THBS4: variants seen among roughly 807,000 people sequenced by gnomAD.
The protein encoded by THBS4 is thrombospondin 4, also known as thrombospondin-4.
A neutral mutation model predicts 115.7 loss-of-function variants in THBS4; 90 were observed. The ratio of observed to expected loss-of-function variants is 0.78; its 90% CI spans 0.66 to 0.93. THBS4 has a LOEUF of 0.93. THBS4 is among the 40% of genes least tolerant of loss of function. The pLI is 0.00. For missense variants in THBS4, 1,087 were observed against 1,232.7 expected (o/e 0.88, Z 1.77); for synonymous variants, 460 against 479.3 (o/e 0.96, Z 0.53).
intron 9 of THBS4, chr5:80,067,208 T>C (rs1833861020): frequency 6.6e-6 from 1 of 152,082 alleles, no homozygotes; most frequent in African/African-American, 2.4e-5. Context: ...TGTCAGTTGA[T>C]GGATGTGTTA....
intron 2 of THBS4, chr5:80,019,906 C>T (rs1296699083): frequency 6.4e-6 from 1 of 157,386 alleles, no homozygotes; most frequent in Non-Finnish European, 1.4e-5. Context: ...ATAGGAATTC[C>T]CAAAGTATGG....
chr5:79,993,142 G>A (rs573100247), intron 1 of THBS4, among the ~76,000 whole-genome samples: 90 of 152,304 alleles, frequency 5.9e-4, no homozygotes, highest in Non-Finnish European at 1.1e-3. Flanking sequence ...CCGTACTGCT[G>A]CTACTACATA....
chr5:80,082,077 G>T (rs2913544), intron 20 of THBS4: 131,991 of 242,482 alleles, frequency 0.54, 37,027 homozygotes, highest in African/African-American at 0.68. Flanking sequence ...ACTCAAGATA[G>T]CAGGTTTGGT....
At position 80,070,360 on chromosome 5, in the gene THBS4, G is replaced by A. The variant is rs1330682273; in HGVS notation, c.1402G>A (p.Asp468Asn). The A allele has an allele frequency of 3.1e-6, 5 of 1,612,382 alleles. No homozygotes were observed. Among genetic ancestry groups the A allele is most frequent in the Non-Finnish European group, 3.4e-6 (4 of 1,179,112 alleles). ...TATCTGTGGAAAGGATGTGGACATCGACAGTTACCCCGACGAAGAACTGCC... is the reference window on the plus strand; with the variant it reads ...TATCTGTGGAAAGGATGTGGACATCAACAGTTACCCCGACGAAGAACTGCC... Reference protein sequence around the residue: ...GYICGKDVDIDSYPDEELPCS... With the variant: ...GYICGKDVDINSYPDEELPCS... The change falls in exon 11 of 22, where the codon GAC (aspartate) becomes AAC (asparagine). Residue 468 changes from aspartate (D) to asparagine (N), a missense_variant. By Grantham distance (23) the Asp-to-Asn change is conservative (BLOSUM62 1). Around this residue, in one of 3 missense-constraint regions of THBS4, gnomAD observed 979 missense variants for 1,103.7 expected, o/e 0.89. Coordinates refer to ENST00000350881, the MANE Select transcript of THBS4 (RefSeq NM_003248.6).
intron 1 of THBS4, 48 bp from the exon 2 acceptor site, chr5:80,040,029 C>G (rs1412606451): frequency 6.3e-7 from 1 of 1,574,974 alleles, no homozygotes; most frequent in Non-Finnish European, 8.7e-7. Context: ...CCTGTTTTCC[C>G]CAAAATTGAA....
At position 80,064,711 on chromosome 5, in the gene THBS4, G is replaced by A. The variant is rs949969202; in HGVS notation, c.1126-698G>A. Reference sequence around the variant, plus strand: ...TGTGCCACTGCACTCCAGCCTGAGCGACAGAGCAAGACCCTGTCTCAACAA... The same window carrying A: ...TGTGCCACTGCACTCCAGCCTGAGCAACAGAGCAAGACCCTGTCTCAACAA... On this transcript the variant is annotated intron_variant, in intron 8 of 21. Coordinates refer to ENST00000350881, the MANE Select transcript of THBS4 (RefSeq NM_003248.6). Among the ~76,000 whole-genome samples the A allele has an allele frequency of 1.9e-4, 29 of 152,206 alleles. 1 individual carries two copies. Among genetic ancestry groups the A allele is most frequent in the Middle Eastern group, 3.4e-3 (1 of 294 alleles).
At chr5:80,027,311 C>G (rs564861553) in intron 2 of THBS4, among the ~76,000 whole-genome samples, 1 of 152,200 alleles carries the variant, frequency 6.6e-6, no homozygotes, top group Non-Finnish European at 1.5e-5. Flanking sequence ...CCACCCTCTC[C>G]TTGTTTCCTA....
intron 5 of THBS4, 110 bp from the exon 6 acceptor site, chr5:80,059,330 A>G (rs1263140695): frequency 1.6e-6 from 1 of 612,906 alleles, no homozygotes; most frequent in African/African-American, 2.0e-5. Flanking sequence ...ACTGTCTCAA[A>G]AAAAAAAAAA....
At chr5:80,040,789 C>T (rs1264064529) in intron 2 of THBS4, among the ~76,000 whole-genome samples, 1 of 152,182 alleles carries the variant, frequency 6.6e-6, no homozygotes, top group Admixed American at 6.5e-5. Flanking sequence ...AGCTCACAGT[C>T]CTGCAGGCTG....
At chr5:80,036,096 C>T in intron 1 of THBS4, 1 of 986,982 alleles carries the variant, frequency 1.0e-6, no homozygotes, top group Non-Finnish European at 1.2e-6. Flanking sequence ...TGCCCTGCCA[C>T]CTGCATTTTC....
chr5:80,027,012 A>G (rs1832489876), intron 2 of THBS4, among the ~76,000 whole-genome samples: 1 of 152,248 alleles, frequency 6.6e-6, no homozygotes, highest in South Asian at 2.1e-4. Flanking sequence ...ACCCACCTGT[A>G]AACACCCAGC....
intron 15 of THBS4, 129 bp from the exon 16 acceptor site, chr5:80,076,726 A>T: frequency 1.1e-6 from 1 of 899,822 alleles, no homozygotes; most frequent in Non-Finnish European, 1.6e-6. Context: ...GAATGACCCC[A>T]GTGGGTTTGA....
chr5:80,073,448 A>G (rs571683639), intron 15 of THBS4, 121 bp downstream of exon 15: 2 of 851,528 alleles, frequency 2.3e-6, no homozygotes, highest in South Asian at 3.0e-5. Context: ...CAGTGGTGCA[A>G]TCTCGGCTCA....
At chr5:80,043,424 C>G (rs552253700) in intron 2 of THBS4, among the ~76,000 whole-genome samples, 2 of 152,314 alleles carry the variant, frequency 1.3e-5, no homozygotes, top group South Asian at 4.1e-4. Context: ...AAATTATCTA[C>G]CTGGACATGG....
At position 80,039,078 on chromosome 5, in the gene THBS4, C is replaced by T. The variant is rs555342436; in HGVS notation, c.89-999C>T. ...AAATTGCCTTTTCATATTCCTTGCC[C>T]ATTTTTCTATTAAGATGCTTATCAT... On this transcript the variant is annotated intron_variant, in intron 1 of 21. Transcript: ENST00000350881. 3.0e-4 allele frequency among the ~76,000 whole-genome samples: 45 copies of T among 152,254 alleles called. No individual in the cohort carries two copies. In the South Asian group the frequency reaches 8.5e-3, roughly 29 times the overall value.
At chr5:80,080,332 G>A (rs1743425165) in intron 20 of THBS4, 1 of 435,246 alleles carries the variant, frequency 2.3e-6, no homozygotes, top group Non-Finnish European at 4.2e-6. Flanking sequence ...ACCCAGCGTT[G>A]TGGGGTTGGT....
chr5:80,070,390 T>C lies in THBS4; in HGVS notation c.1432T>C (p.Ser478Pro). The change falls in exon 11 of 22, where the codon TCT (serine) becomes CCT (proline). Residue 478 changes from serine (S) to proline (P), a missense_variant. By Grantham distance (74) the Ser-to-Pro change is moderately conservative. Coordinates refer to ENST00000350881, the MANE Select transcript of THBS4 (RefSeq NM_003248.6). ...TTACCCCGACGAAGAACTGCCATGC[T>C]CTGCCAGGAACTGTAAAAAGGTAAG... ...DSYPDEELPC[S>P]ARNCKKDNCK... The C allele has an allele frequency of 6.2e-7, 1 of 1,614,016 alleles. No homozygotes were observed. The highest frequency in any genetic ancestry group is 8.5e-7 in the Non-Finnish European group (1 of 1,179,940).
At chr5:80,007,771 A>G (rs1832047629) in intron 2 of THBS4, among the ~76,000 whole-genome samples, 1 of 152,240 alleles carries the variant, frequency 6.6e-6, no homozygotes, top group African/African-American at 2.4e-5. Context: ...GGGCTCGTGC[A>G]CATAACACAC....
chr5:80,046,604 T>A (rs879295508), intron 2 of THBS4, among the ~76,000 whole-genome samples: 2 of 151,624 alleles, frequency 1.3e-5, no homozygotes, highest in Non-Finnish European at 2.9e-5. Context: ...ATGCCAAACT[T>A]TTTTTTTTCA....
Sources: gnomAD v4.1 joint callset for allele counts (sites outside exome capture counted in the v4.1 genomes callset) on GRCh38, gnomAD v4.1.1 for gene constraint, gnomAD v4.1.1 regional missense constraint, MANE v1.5 for transcripts, NCBI Gene and HGNC (gene_info 2026-07-23, HGNC 2026-07-21) for gene names.